KCNQ1: variants seen among roughly 807,000 people sequenced by gnomAD.
KCNQ1 encodes potassium voltage-gated channel subfamily KQT member 1.
A neutral mutation model predicts 72.4 loss-of-function variants in KCNQ1; 49 were observed. The ratio of observed to expected loss-of-function variants is 0.68; its 90% CI spans 0.54 to 0.86. KCNQ1 has a LOEUF of 0.86. KCNQ1 is among the 40% of genes least tolerant of loss of function. The pLI is 0.00. For missense variants in KCNQ1, 790 were observed against 945.1 expected (o/e 0.84, Z 2.15); for synonymous variants, 450 against 412.6 (o/e 1.09, Z -1.10).
rs992212945 is a variant in KCNQ1 at position 2,682,108 on chromosome 11, G to A, written c.1514+20027G>A. 6 of 398,598 alleles carry A rather than the reference G, an allele frequency of 1.5e-5. No individual in the cohort carries two copies. The highest frequency in any genetic ancestry group is 1.3e-3 in the Middle Eastern group (2 of 1,588). The allele number at this position is 398,598 out of a possible 1,614,324, so 24.7% of individuals were successfully genotyped here. On this transcript the variant is annotated intron_variant, in intron 11 of 15. Coordinates refer to ENST00000155840, the MANE Select transcript of KCNQ1 (RefSeq NM_000218.3). This position sits in a 1 kb window ranked among gnomAD's most constrained non-coding sequence, Gnocchi z 5.8. Reference sequence around the variant, plus strand: ...CCCAGGGTCACAAAGCTAGGGAGCCGTGGATCTGCAGGAGATGTCCCAGCT... The same window carrying A: ...CCCAGGGTCACAAAGCTAGGGAGCCATGGATCTGCAGGAGATGTCCCAGCT...
chr11:2,838,650 G>A (rs912607814), intron 15 of KCNQ1, among the ~76,000 whole-genome samples: 1 of 152,176 alleles, frequency 6.6e-6, no homozygotes, highest in African/African-American at 2.4e-5. Flanking sequence ...GGTAGGGGAG[G>A]ATGTGGGGGC....
At chr11:2,646,499 G>GT (rs922546178) in intron 10 of KCNQ1, 2 of 398,436 alleles carry the variant, frequency 5.0e-6, no homozygotes, top group Non-Finnish European at 4.4e-6. Flanking sequence ...CTAATTTGCT[G>GT]TTTCACAGAA....
At chr11:2,718,283 C>A (rs1339689275) in intron 11 of KCNQ1, among the ~76,000 whole-genome samples, 1 of 152,200 alleles carries the variant, frequency 6.6e-6, no homozygotes, top group African/African-American at 2.4e-5. Flanking sequence ...CCAGGTAGAC[C>A]CCCACACTTA....
chr11:2,529,675 C>T (rs1042359190), intron 2 of KCNQ1, among the ~76,000 whole-genome samples: 11 of 152,308 alleles, frequency 7.2e-5, no homozygotes, highest in South Asian at 2.1e-4. Flanking sequence ...TGCTACTTCT[C>T]GTGACTGTGG....
rs978233389 is a variant in KCNQ1 at position 2,657,117 on chromosome 11, G to A, written c.1394-4844G>A. On this transcript the variant is annotated intron_variant, in intron 10 of 15. Coordinates refer to ENST00000155840, the MANE Select transcript of KCNQ1 (RefSeq NM_000218.3). This position sits in a 1 kb window ranked among gnomAD's most constrained non-coding sequence, Gnocchi z 4.8. The stretch of plus-strand genomic sequence containing the variant: ...TGTGTCAATACCACATTGCCCTAAT[G>A]ACCACTGCCTTGGAAGAAGTACTGA... 1 of 398,450 alleles carries A rather than the reference G, an allele frequency of 2.5e-6. No individual in the cohort carries two copies. Among genetic ancestry groups the A allele is most frequent in the African/African-American group, 2.1e-5 (1 of 48,616 alleles). 24.7% of individuals were successfully genotyped at this position (398,450 alleles called of 1,614,324 possible). A position where few individuals can be genotyped will look rare whatever the true frequency, so the allele number is the denominator to read the frequency against.
intron 11 of KCNQ1, among the ~76,000 whole-genome samples, chr11:2,722,854 T>A (rs1396266477): frequency 1.3e-5 from 2 of 152,096 alleles, no homozygotes; most frequent in Non-Finnish European, 2.9e-5. Flanking sequence ...TGAGGCAGTA[T>A]CTGAGCCACC....
At position 2,500,878 on chromosome 11, in the gene KCNQ1, G is replaced by C. The variant is rs560682270; in HGVS notation, c.387-27050G>C. On this transcript the variant is annotated intron_variant, in intron 1 of 15. Transcript: ENST00000155840. ...ATCACACACCGGGGTCTGTTGGGGG[G>C]TGGGGGCAAGGGGAGGGAGGGAATT... 2.7e-5 allele frequency among the ~76,000 whole-genome samples: 3 copies of C among 112,532 alleles called. No individual in the cohort carries two copies. The South Asian group carries it at 1.1e-3, about 41-fold the overall frequency. 73.8% of individuals were successfully genotyped at this position (112,532 alleles called of 152,430 possible). A position where few individuals can be genotyped will look rare whatever the true frequency, so the allele number is the denominator to read the frequency against.
rs1474599426 is a variant in KCNQ1 at position 2,653,091 on chromosome 11, G to A, written c.1394-8870G>A. ...AAACATCCTCATACAGCAGGGTGTG[G>A]AGAGAGGCTCACTGAAGGTTTGGGG... is the stretch of plus-strand genomic sequence containing the variant. On this transcript the variant is annotated intron_variant, in intron 10 of 15. Transcript: ENST00000155840. The surrounding 1 kb of genome is among the most constrained non-coding windows in gnomAD (Gnocchi z 5.3). 2.5e-6 allele frequency: 1 copy of A among 398,612 alleles called. No homozygotes were observed. The highest frequency in any genetic ancestry group is 4.4e-6 in the Non-Finnish European group (1 of 226,126). The allele number at this position is 398,612 out of a possible 1,614,324, so 24.7% of individuals were successfully genotyped here.
In KCNQ1 at chr11:2,547,665, T is replaced by G. The variant is rs1055415492; in HGVS notation, c.477+19647T>G. ...TCTGCCTTAACTTCTACTTAGTGCC[T>G]ATACCACAAACAATAAGCTGACTCC... On this transcript the variant is annotated intron_variant, in intron 2 of 15. Coordinates refer to ENST00000155840, the MANE Select transcript of KCNQ1 (RefSeq NM_000218.3). The surrounding 1 kb of genome is among the most constrained non-coding windows in gnomAD (Gnocchi z 4.2). Among the ~76,000 whole-genome samples, 2 of 152,370 alleles carry G rather than the reference T, an allele frequency of 1.3e-5. No individual in the cohort carries two copies. Among genetic ancestry groups the G allele is most frequent in the Non-Finnish European group, 2.9e-5 (2 of 68,038 alleles).
rs1484330741 is a variant in KCNQ1 at position 2,600,370 on chromosome 11, C to T, written c.1393+11516C>T. ...TTGAACTACAGAAAAATTACAAGCACGAGATATAAAAACACCTACATACCC... is the reference window on the plus strand; with the variant it reads ...TTGAACTACAGAAAAATTACAAGCATGAGATATAAAAACACCTACATACCC... On this transcript the variant is annotated intron_variant, in intron 10 of 15. Coordinates refer to ENST00000155840, the MANE Select transcript of KCNQ1 (RefSeq NM_000218.3). The surrounding 1 kb of genome is among the most constrained non-coding windows in gnomAD (Gnocchi z 5.6). Among the ~76,000 whole-genome samples, 2 of 152,134 alleles carry T rather than the reference C, an allele frequency of 1.3e-5. No homozygotes were observed. The highest frequency in any genetic ancestry group is 6.5e-5 in the Admixed American group (1 of 15,282).
chr11:2,666,823 A>G (rs1850079696), intron 11 of KCNQ1: 1 of 398,712 alleles, frequency 2.5e-6, no homozygotes, highest in Non-Finnish European at 4.4e-6. Context: ...GACAGAAAGG[A>G]CATTCTGGGA....
intron 1 of KCNQ1, among the ~76,000 whole-genome samples, chr11:2,504,833 A>G (rs1329749722): frequency 6.6e-6 from 1 of 152,078 alleles, no homozygotes; most frequent in Non-Finnish European, 1.5e-5. Flanking sequence ...AGATACCCCC[A>G]TTTACCTCTA....
In KCNQ1 at chr11:2,572,082, G is replaced by C; in HGVS notation, c.753G>C (p.Leu251=). Residue 251 remains leucine (L), a synonymous_variant, in exon 5 of 16, where the codon CTG becomes CTC. Coordinates refer to ENST00000155840, the MANE Select transcript of KCNQ1 (RefSeq NM_000218.3). ...GCCAGGGAGGCACCTGGAGGCTCCT[G>C]GGCTCCGTGGTCTTCATCCACCGCC... ...VDRQGGTWRL[L]GSVVFIHRQE... 1 of 1,612,588 alleles carries C rather than the reference G, an allele frequency of 6.2e-7. No individual in the cohort carries two copies. Among genetic ancestry groups the C allele is most frequent in the South Asian group, 1.1e-5 (1 of 91,068 alleles).
intron 1 of KCNQ1, among the ~76,000 whole-genome samples, chr11:2,523,846 C>T (rs1435239966): frequency 6.6e-6 from 1 of 150,546 alleles, no homozygotes; most frequent in Non-Finnish European, 1.5e-5. Context: ...TGGCCCCCTT[C>T]CCTCCTCAGG....
chr11:2,480,615 T>G (rs1846636825), intron 1 of KCNQ1, among the ~76,000 whole-genome samples: 2 of 152,146 alleles, frequency 1.3e-5, no homozygotes, highest in Non-Finnish European at 2.9e-5. Flanking sequence ...AAGATGAGAT[T>G]TGGGTGGGGA....
intron 10 of KCNQ1, among the ~76,000 whole-genome samples, chr11:2,596,831 A>C (rs894456849): frequency 6.6e-6 from 1 of 151,964 alleles, no homozygotes; most frequent in Non-Finnish European, 1.5e-5. Context: ...TTTAAACATA[A>C]GCAAGTTATG....
At chr11:2,573,076 G>A in intron 6 of KCNQ1, 90 bp downstream of exon 6, 1 of 1,471,214 alleles carries the variant, frequency 6.8e-7, no homozygotes, top group Non-Finnish European at 9.2e-7. Context: ...TGAGACTTCG[G>A]GCCTTGGCAG....
chr11:2,564,872 G>A lies in KCNQ1; in HGVS notation c.478-5756G>A, dbSNP rs571038711. Among the ~76,000 whole-genome samples the A allele has an allele frequency of 2.4e-4, 36 of 152,334 alleles. No homozygotes were observed. In the South Asian group the frequency reaches 4.6e-3, roughly 19 times the overall value. On this transcript the variant is annotated intron_variant, in intron 2 of 15. Transcript: ENST00000155840. The surrounding 1 kb of genome is among the most constrained non-coding windows in gnomAD (Gnocchi z 4.5). Reference sequence around the variant, plus strand: ...GTGTAACTGGATCATTTCACTGAGAGTAATGTCTTCAAGGTTCCTCCATGT... The same window carrying A: ...GTGTAACTGGATCATTTCACTGAGAATAATGTCTTCAAGGTTCCTCCATGT...
intron 14 of KCNQ1, 48 bp downstream of exon 14, chr11:2,777,080 T>A: frequency 3.2e-6 from 5 of 1,576,226 alleles, no homozygotes; most frequent in Non-Finnish European, 4.4e-6. Context: ...TGCAATGGAC[T>A]CTCCCGCACC....
Sources: allele counts gnomAD v4.1 joint callset (sites outside exome capture counted in the v4.1 genomes callset), GRCh38; gene constraint gnomAD v4.1.1; non-coding constraint Gnocchi (gnomAD v3.1); transcripts MANE v1.5; gene names NCBI Gene and HGNC (gene_info 2026-07-23, HGNC 2026-07-21).